POLR2F: variants seen among roughly 807,000 people sequenced by gnomAD.
The protein encoded by POLR2F is DNA-directed RNA polymerases I, II, and III subunit RPABC2.
Under a neutral mutation model 22.7 loss-of-function variants are expected in POLR2F, and 12 were observed. The observed-to-expected ratio is 0.53, with a 90% confidence interval of 0.34 to 0.86. POLR2F has a LOEUF of 0.86. Ranked by LOEUF, POLR2F falls within the 40% of genes least tolerant of loss-of-function variation. The pLI is 0.02. For synonymous variants in POLR2F, 57 were observed against 66.0 expected (o/e 0.86, Z 0.66); for missense variants, 126 against 171.5 (o/e 0.73, Z 1.48).
intron 4 of POLR2F, 193 bp from the exon 5 acceptor site, chr22:37,967,432 C>G: frequency 7.0e-7 from 1 of 1,435,328 alleles, no homozygotes. Context: ...AATATTCTGT[C>G]ATTCTTCCCC....
At chr22:38,032,811 G>A (rs949050898) in intron 5 of POLR2F, 12 of 153,956 alleles carry the variant, frequency 7.8e-5, no homozygotes, top group Non-Finnish European at 1.6e-4. Flanking sequence ...CAGCAAGGAA[G>A]CTGCCTGGAT....
chr22:37,995,005 T>G (rs1601895971), intron 1 of POLR2F, among the ~76,000 whole-genome samples: 1 of 152,208 alleles, frequency 6.6e-6, no homozygotes, highest in Non-Finnish European at 1.5e-5. Flanking sequence ...AGTTTAGGGC[T>G]TAGAACCCAG....
At chr22:37,959,233 C>T (rs1931525312) in intron 2 of POLR2F, 113 bp from the exon 3 acceptor site, 4 of 1,008,036 alleles carry the variant, frequency 4.0e-6, no homozygotes, top group Admixed American at 2.0e-5. Context: ...CCCTGGCATG[C>T]AGTAAGCATT....
chr22:38,007,502 G>A (rs1399286325), intron 1 of POLR2F, among the ~76,000 whole-genome samples: 1 of 152,236 alleles, frequency 6.6e-6, no homozygotes, highest in Non-Finnish European at 1.5e-5. Flanking sequence ...CCTGGGAGGT[G>A]GAAGGACACT....
Position 37,964,761 on chromosome 22 carries a change from C to T in POLR2F, c.222-2338C>T, listed in dbSNP as rs1332257311. On this transcript the variant is annotated intron_variant, in intron 3 of 4. Coordinates refer to ENST00000442738, the MANE Select transcript of POLR2F (RefSeq NM_021974.5). Reference sequence around the variant, plus strand: ...TAATATTTTGTATTTTTAGTAGAGACGGTGTTTCACCATGTTGGTCGGGCT... The same window carrying T: ...TAATATTTTGTATTTTTAGTAGAGATGGTGTTTCACCATGTTGGTCGGGCT... 3.3e-5 allele frequency among the ~76,000 whole-genome samples: 5 copies of T among 151,972 alleles called. No homozygotes were observed. In the South Asian group the frequency reaches 6.2e-4, roughly 19 times the overall value.
At chr22:38,025,121 A>G (rs2084994793) in intron 1 of POLR2F, among the ~76,000 whole-genome samples, 1 of 152,116 alleles carries the variant, frequency 6.6e-6, no homozygotes, top group Non-Finnish European at 1.5e-5. Flanking sequence ...TCAAGAGGAC[A>G]TTCCCTAGGC....
At chr22:37,955,263 G>A (rs1190757821) in intron 1 of POLR2F, among the ~76,000 whole-genome samples, 1 of 150,858 alleles carries the variant, frequency 6.6e-6, no homozygotes, top group Non-Finnish European at 1.5e-5. Context: ...ATGGGGCCGG[G>A]TGCTGTGGCT....
chr22:37,954,547 C>T (rs1001912035), intron 1 of POLR2F, among the ~76,000 whole-genome samples: 11 of 152,250 alleles, frequency 7.2e-5, no homozygotes, highest in African/African-American at 1.7e-4. Context: ...GTGATCCACC[C>T]GCCTCGGCCT....
intron 3 of POLR2F, among the ~76,000 whole-genome samples, chr22:37,962,562 C>A (rs1931687191): frequency 1.3e-5 from 2 of 152,220 alleles, no homozygotes; most frequent in Non-Finnish European, 2.9e-5. Flanking sequence ...CGTCAGGATC[C>A]TCTGGGCCTG....
intron 5 of POLR2F, among the ~76,000 whole-genome samples, chr22:38,039,870 G>T (rs2145839287): frequency 6.6e-6 from 1 of 152,320 alleles, no homozygotes; most frequent in South Asian, 2.1e-4. Context: ...GCAAGAGGGG[G>T]CCTGGGCTAC....
At chr22:37,961,135 C>T (rs1352200931) in intron 3 of POLR2F, among the ~76,000 whole-genome samples, 2 of 152,258 alleles carry the variant, frequency 1.3e-5, no homozygotes, top group South Asian at 4.1e-4. Context: ...AGGCATGAGC[C>T]ACCGCGCCTG....
At chr22:38,001,903 C>T (rs2084773891) in intron 1 of POLR2F, among the ~76,000 whole-genome samples, 1 of 152,140 alleles carries the variant, frequency 6.6e-6, no homozygotes, top group South Asian at 2.1e-4. Context: ...TCTTGGCTCA[C>T]TGCAACCTCT....
At chr22:38,008,247 C>CA (rs1360308649) in intron 1 of POLR2F, among the ~76,000 whole-genome samples, 6 of 150,562 alleles carry the variant, frequency 4.0e-5, no homozygotes, top group Non-Finnish European at 8.9e-5. Flanking sequence ...CAAAACAAAA[C>CA]AAAAAATTAA....
At chr22:37,975,413 A>G (rs1310424371) in intron 4 of POLR2F, among the ~76,000 whole-genome samples, 1 of 152,122 alleles carries the variant, frequency 6.6e-6, no homozygotes, top group Non-Finnish European at 1.5e-5. Flanking sequence ...AAGGGTGAGA[A>G]AAAGTCTGTG....
rs1203988944 is a variant in POLR2F at position 37,986,794 on chromosome 22, AACTG to A, written c.120+483_120+486del. ...ACACATCCCTGCCCACCATGCTGGC[AACTG>A]GGATCCCCTCCATCCCATCCCAGGC... On this transcript the variant is annotated intron_variant, in intron 1 of 2. Coordinates refer to the POLR2F transcript ENST00000333418. This position sits in a 1 kb window ranked among gnomAD's most constrained non-coding sequence, Gnocchi z 4.7. The A allele has an allele frequency of 2.2e-6, 1 of 462,044 alleles. No homozygotes were observed. The highest frequency in any genetic ancestry group is 4.3e-6 in the Non-Finnish European group (1 of 230,884). 28.6% of individuals were successfully genotyped at this position (462,044 alleles called of 1,614,324 possible).
chr22:38,019,608 G>C (rs578255950), intron 1 of POLR2F, among the ~76,000 whole-genome samples: 1 of 152,224 alleles, frequency 6.6e-6, no homozygotes, highest in African/African-American at 2.4e-5. Flanking sequence ...GAGGGAGGGC[G>C]GACATGGTGG....
chr22:37,973,474 G>T, downstream of POLR2F: 3 of 1,475,070 alleles, frequency 2.0e-6, no homozygotes, highest in Non-Finnish European at 2.8e-6. Flanking sequence ...TGGGCGGGGG[G>T]TGGTGGCGAC....
chr22:38,005,679 C>G (rs1204713920), intron 1 of POLR2F, among the ~76,000 whole-genome samples: 1 of 152,100 alleles, frequency 6.6e-6, no homozygotes, highest in African/African-American at 2.4e-5. Flanking sequence ...AATGGAGGGG[C>G]GATGTAATCA....
At chr22:37,983,375 G>A, upstream of POLR2F, 1 of 1,609,124 alleles carries the variant, frequency 6.2e-7, no homozygotes, top group Middle Eastern at 1.9e-4. The surrounding 1 kb of genome is among the most constrained non-coding windows in gnomAD (Gnocchi z 9.5). Context: ...CTTGCCCAGC[G>A]TCTTGCTGAG....
Sources: gnomAD v4.1 joint callset for allele counts (sites outside exome capture counted in the v4.1 genomes callset) on GRCh38, gnomAD v4.1.1 for gene constraint, Gnocchi (gnomAD v3.1) non-coding constraint, MANE v1.5 for transcripts, NCBI Gene and HGNC (gene_info 2026-07-23, HGNC 2026-07-21) for gene names.